LAMB2: variants seen among roughly 807,000 people sequenced by gnomAD.
LAMB2 encodes the protein laminin subunit beta-2.
LAMB2 carries 119 observed loss-of-function variants against 202.7 expected under a neutral mutation model. That is an observed-to-expected ratio of 0.59 (90% confidence interval 0.51 to 0.68). The LOEUF (loss-of-function observed/expected upper bound fraction) is 0.68. LAMB2 is among the 30% of genes least tolerant of loss of function. LAMB2 has a pLI of 0.00. For missense variants in LAMB2, 2,124 were observed against 2,410.6 expected (o/e 0.88, Z 2.49); for synonymous variants, 818 against 902.2 (o/e 0.91, Z 1.67).
At position 49,132,270 on chromosome 3, in the gene LAMB2, C is replaced by G; in HGVS notation, c.385G>C (p.Gly129Arg). 1.9e-6 allele frequency: 3 copies of G among 1,614,240 alleles called. No homozygotes were observed. Among genetic ancestry groups the G allele is most frequent in the Non-Finnish European group, 2.5e-6 (3 of 1,180,048 alleles). Residue 129 changes from glycine (G) to arginine (R), a missense_variant and splice_region_variant, in exon 3 of 32, where the codon GGT becomes CGT. Physicochemically the swap from Gly to Arg is moderately radical, Grantham distance 125. This residue lies in a region of LAMB2 where 256 missense variants were observed against 356.1 expected (regional missense o/e 0.72). Transcript: ENST00000305544. The surrounding 1 kb of genome is among the most constrained non-coding windows in gnomAD (Gnocchi z 4.6). ...ACTTTTGCCCCACCCATGGCCTCAC[C>G]ATTCTCTGACTGCCACCAGGCTGCC... ...RRAAWWQSEN[G>R]IPAVTIQLDL...
In LAMB2 at chr3:49,131,694, T is replaced by A; in HGVS notation, c.489A>T (p.Glu163Asp). The A allele has an allele frequency of 6.2e-7, 1 of 1,613,358 alleles. No individual in the cohort carries two copies. ...AGGTGCGGCCAAAGTCTGCTGAGCGTTCCACCAGCATGGCAGCAGGGCGAA... is the reference window on the plus strand; with the variant it reads ...AGGTGCGGCCAAAGTCTGCTGAGCGATCCACCAGCATGGCAGCAGGGCGAA... ...KTFRPAAMLVERSADFGRTWH... is the reference protein window; with the variant it reads ...KTFRPAAMLVDRSADFGRTWH... Residue 163 changes from glutamate to aspartate, a missense_variant, in exon 5 of 32, where the codon GAA becomes GAT. Coordinates refer to ENST00000305544, the MANE Select transcript of LAMB2 (RefSeq NM_002292.4). The surrounding 1 kb of genome is among the most constrained non-coding windows in gnomAD (Gnocchi z 5.0).
At position 49,132,516 on chromosome 3, in the gene LAMB2, G is replaced by A; in HGVS notation, c.224C>T (p.Pro75Leu). The A allele has an allele frequency of 6.2e-7, 1 of 1,613,844 alleles. No individual in the cohort carries two copies. Among genetic ancestry groups the A allele is most frequent in the Non-Finnish European group, 8.5e-7 (1 of 1,180,022 alleles). The part of the protein sequence containing the change: ...SSTCGLNGPQ[P>L]YCIVSHLQDE... The stretch of plus-strand genomic sequence containing the variant: ...CTGCAGGTGACTGACGATGCAGTAG[G>A]GCTGGGGGCCATTCAGGCCACAAGT... Residue 75 changes from proline to leucine, a missense_variant, in exon 2 of 32, where the codon CCC (proline) becomes CTC (leucine). Coordinates refer to ENST00000305544, the MANE Select transcript of LAMB2 (RefSeq NM_002292.4). This position sits in a 1 kb window ranked among gnomAD's most constrained non-coding sequence, Gnocchi z 4.6.
rs545141272 is a variant in LAMB2 at position 49,130,697 on chromosome 3, G to A, written c.1036+43C>T. 10 of 1,612,050 alleles carry A rather than the reference G, an allele frequency of 6.2e-6. No individual in the cohort carries two copies. In the African/African-American group the frequency reaches 1.3e-4, roughly 21 times the overall value. On this transcript the variant is annotated intron_variant, in intron 8 of 31. Coordinates refer to ENST00000305544, the MANE Select transcript of LAMB2 (RefSeq NM_002292.4). The surrounding 1 kb of genome is among the most constrained non-coding windows in gnomAD (Gnocchi z 5.0). ...CTAGGTTCTACCCAGGGCACAGCCAGGCTGCAGAGTGCTGGAGCTATGGAG... is the reference window on the plus strand; with the variant it reads ...CTAGGTTCTACCCAGGGCACAGCCAAGCTGCAGAGTGCTGGAGCTATGGAG...
chr3:49,126,935 C>T (rs2045422409), intron 15 of LAMB2, among the ~76,000 whole-genome samples: 1 of 152,224 alleles, frequency 6.6e-6, no homozygotes, highest in South Asian at 2.1e-4. Flanking sequence ...TATCCCATCC[C>T]AAAAATTGTT....
rs1322716619 is a variant in LAMB2 at position 49,124,929 on chromosome 3, C to A, written c.2885-4G>T. The A allele has an allele frequency of 1.2e-6, 2 of 1,613,944 alleles. No homozygotes were observed. Among genetic ancestry groups the A allele is most frequent in the African/African-American group, 2.7e-5 (2 of 74,938 alleles). ...GCACAAGCTTCACATCGCAGCCCTG[C>A]CCACGGTTAAGAGGAAGCTGTGAGT... is the stretch of plus-strand genomic sequence containing the variant. On this transcript the variant is annotated splice_region_variant and splice_polypyrimidine_tract_variant and intron_variant, in intron 20 of 31. Coordinates refer to ENST00000305544, the MANE Select transcript of LAMB2 (RefSeq NM_002292.4).
Position 49,132,249 on chromosome 3 carries a change from T to G in LAMB2, c.385+21A>C. 1 of 1,614,218 alleles carries G rather than the reference T, an allele frequency of 6.2e-7. No homozygotes were observed. ...TACTGGTGGGCAGCCCTGCTCACTT[T>G]TGCCCCACCCATGGCCTCACCATTC... On this transcript the variant is annotated intron_variant, in intron 3 of 31. Coordinates refer to ENST00000305544, the MANE Select transcript of LAMB2 (RefSeq NM_002292.4). This position sits in a 1 kb window ranked among gnomAD's most constrained non-coding sequence, Gnocchi z 4.6.
At chr3:49,126,295 T>G in intron 16 of LAMB2, 70 bp downstream of exon 16, 1 of 1,611,636 alleles carries the variant, frequency 6.2e-7, no homozygotes, top group South Asian at 1.1e-5. Context: ...CACAGACCCC[T>G]GCTATCCCTC....
chr3:49,130,164 G>C lies in LAMB2; in HGVS notation c.1225+67C>G. On this transcript the variant is annotated intron_variant, in intron 9 of 31. Transcript: ENST00000305544. This position sits in a 1 kb window ranked among gnomAD's most constrained non-coding sequence, Gnocchi z 5.0. ...ACCCCAATTTCCTGCAATTTAGACA[G>C]CAGTCCAGCTCTCTAGTTCCTGCCC... The C allele has an allele frequency of 2.5e-6, 4 of 1,596,750 alleles. No homozygotes were observed. The highest frequency in any genetic ancestry group is 2.6e-6 in the Non-Finnish European group (3 of 1,167,186).
In LAMB2 at chr3:49,132,394, C is replaced by G. The variant is rs149408554; in HGVS notation, c.261G>C (p.Lys87Asn). The G allele has an allele frequency of 6.6e-5, 106 of 1,614,122 alleles. No homozygotes were observed. The highest frequency in any genetic ancestry group is 8.0e-5 in the Non-Finnish European group (94 of 1,180,056). ...GGCGCCGGGAGTCACAAAGGAAGCACTTCTTTTCGTCCTGGGTTGGATGGG... is the reference window on the plus strand; with the variant it reads ...GGCGCCGGGAGTCACAAAGGAAGCAGTTCTTTTCGTCCTGGGTTGGATGGG... ...CIVSHLQDEK[K>N]CFLCDSRRPF... The change falls in exon 3 of 32, where the codon AAG (lysine) becomes AAC (asparagine). Residue 87 changes from lysine (K) to asparagine (N), a missense_variant. This residue lies in a region of LAMB2 where 166 missense variants were observed against 158.2 expected (regional missense o/e 1.05). Transcript: ENST00000305544. This position sits in a 1 kb window ranked among gnomAD's most constrained non-coding sequence, Gnocchi z 4.6.
chr3:49,124,787 A>AG lies in LAMB2; in HGVS notation c.3022dup (p.Leu1008ProfsTer47). The stretch of plus-strand genomic sequence containing the variant: ...ACCCTCTGTGTGGTGTAAACAGCGC[A>AG]GGCATTGCCCCGTGTGGGGGTCACA... On this transcript the variant is annotated frameshift_variant, in exon 21 of 32. Coordinates refer to ENST00000305544, the MANE Select transcript of LAMB2 (RefSeq NM_002292.4). LOFTEE classifies it high-confidence loss of function. The AG allele has an allele frequency of 6.2e-7, 1 of 1,614,216 alleles. No individual in the cohort carries two copies. The highest frequency in any genetic ancestry group is 8.5e-7 in the Non-Finnish European group (1 of 1,180,036).
Position 49,125,253 on chromosome 3 carries a change from C to T in LAMB2, c.2720G>A (p.Arg907Lys), listed in dbSNP as rs1217792039. 2 of 1,613,932 alleles carry T rather than the reference C, an allele frequency of 1.2e-6. No individual in the cohort carries two copies. The highest frequency in any genetic ancestry group is 1.7e-5 in the Admixed American group (1 of 60,034). Residue 907 changes from arginine (R) to lysine (K), a missense_variant and splice_region_variant, in exon 19 of 32, where the codon AGG becomes AAG. Physicochemically the swap from Arg to Lys is conservative, Grantham distance 26 (BLOSUM62 2). Around this residue, in one of 3 missense-constraint regions of LAMB2, gnomAD observed 1,702 missense variants for 1,896.3 expected, o/e 0.90. Transcript: ENST00000305544. Reference sequence around the variant, plus strand: ...CCACTCATAGCTGCTCCAGTCTCACCTTTCACAGTGCTCACCCCCTGTGTG... The same window carrying T: ...CCACTCATAGCTGCTCCAGTCTCACTTTTCACAGTGCTCACCCCCTGTGTG... ...RDHTGGEHCERCIAGFHGDPR... is the reference protein window; with the variant it reads ...RDHTGGEHCEKCIAGFHGDPR...
Position 49,131,010 on chromosome 3 carries a change from G to A in LAMB2, c.855C>T (p.Cys285=). The change falls in exon 7 of 32, where the codon TGC becomes TGT. Residue 285 remains cysteine, a synonymous_variant. Transcript: ENST00000305544. The surrounding 1 kb of genome is among the most constrained non-coding windows in gnomAD (Gnocchi z 5.0). Reference sequence around the variant, plus strand: ...GTGCACACTCTGAGGCGTGTCCGTAGCAGAAGCAGTTGCCACGTACAACCA... The same window carrying A: ...GTGCACACTCTGAGGCGTGTCCGTAACAGAAGCAGTTGCCACGTACAACCA... ...YELVVRGNCF[C]YGHASECAPA... 6.2e-7 allele frequency: 1 copy of A among 1,614,024 alleles called. No homozygotes were observed. The highest frequency in any genetic ancestry group is 8.5e-7 in the Non-Finnish European group (1 of 1,180,026).
At position 49,125,226 on chromosome 3, in the gene LAMB2, A is replaced by AC. The variant is rs777274724; in HGVS notation, c.2720+26dup. The AC allele has an allele frequency of 2.2e-5, 36 of 1,613,432 alleles. No individual in the cohort carries two copies. In the East Asian group the frequency reaches 8.0e-4, roughly 36 times the overall value. On this transcript the variant is annotated intron_variant, in intron 19 of 31. Transcript: ENST00000305544. ...CCCTGGGAAGCCTGCCCACCAACCA[A>AC]CCCACTCATAGCTGCTCCAGTCTCA...
chr3:49,127,696 AAAACAAAC>A (rs889842642), intron 15 of LAMB2, among the ~76,000 whole-genome samples: 2 of 151,148 alleles, frequency 1.3e-5, no homozygotes, highest in African/African-American at 2.4e-5. Flanking sequence ...CTCCATCTCA[AAAACAAAC>A]AAACAAACAA....
intron 19 of LAMB2, 29 bp from the exon 20 acceptor site, chr3:49,125,198 C>A (rs1423779941): frequency 6.2e-7 from 1 of 1,613,568 alleles, no homozygotes; most frequent in Admixed American, 1.7e-5. Flanking sequence ...AGAAATGTGT[C>A]ATCCCTGGGA....
In LAMB2 at chr3:49,132,185, G is replaced by A. The variant is rs372208669; in HGVS notation, c.390C>T (p.Ile130=). 1.2e-6 allele frequency: 2 copies of A among 1,614,164 alleles called. No homozygotes were observed. The highest frequency in any genetic ancestry group is 1.7e-6 in the Non-Finnish European group (2 of 1,180,026). ...GGTCCAGCTGGATGGTGACCGCAGGGATACCTGGGACAGGAATCGGAAGTC... is the reference window on the plus strand; with the variant it reads ...GGTCCAGCTGGATGGTGACCGCAGGAATACCTGGGACAGGAATCGGAAGTC... ...RAAWWQSENG[I]PAVTIQLDLE... The change falls in exon 4 of 32, where the codon ATC becomes ATT. Residue 130 remains isoleucine, a synonymous_variant. Coordinates refer to ENST00000305544, the MANE Select transcript of LAMB2 (RefSeq NM_002292.4). The surrounding 1 kb of genome is among the most constrained non-coding windows in gnomAD (Gnocchi z 4.6).
At position 49,129,386 on chromosome 3, in the gene LAMB2, G is replaced by A; in HGVS notation, c.1519-62C>T. The A allele has an allele frequency of 4.1e-6, 6 of 1,452,974 alleles. No individual in the cohort carries two copies. Among genetic ancestry groups the A allele is most frequent in the Non-Finnish European group, 5.7e-6 (6 of 1,044,088 alleles). 90.0% of individuals were successfully genotyped at this position (1,452,974 alleles called of 1,614,324 possible). A position where few individuals can be genotyped will look rare whatever the true frequency, so the allele number is the denominator to read the frequency against. On this transcript the variant is annotated intron_variant, in intron 11 of 31. Coordinates refer to ENST00000305544, the MANE Select transcript of LAMB2 (RefSeq NM_002292.4). The surrounding 1 kb of genome is among the most constrained non-coding windows in gnomAD (Gnocchi z 6.1). ...CTCCAGACCCCATCACCACCCAGCA[G>A]GAAATCCCAACCACACGTCTTAGCC...
rs1377913157 is a variant in LAMB2 at position 49,125,472 on chromosome 3, C to A, written c.2501G>T (p.Ser834Ile). The stretch of plus-strand genomic sequence containing the variant: ...GAGACTGCTGAGTGCCCCCTCGTGG[C>A]TGCACTGGCAGGCTAGGAGCAAGGC... ...GPTGCQACQC[S>I]HEGALSSLCE... Residue 834 changes from serine to isoleucine, a missense_variant, in exon 19 of 32, where the codon AGC (serine) becomes ATC (isoleucine). Transcript: ENST00000305544. The A allele has an allele frequency of 6.2e-7, 1 of 1,600,308 alleles. No individual in the cohort carries two copies. Among genetic ancestry groups the A allele is most frequent in the South Asian group, 1.1e-5 (1 of 89,864 alleles).
intron 18 of LAMB2, 128 bp downstream of exon 18, chr3:49,125,619 G>A (rs1396926101): frequency 2.8e-6 from 4 of 1,427,558 alleles, no homozygotes; most frequent in Non-Finnish European, 3.8e-6. Flanking sequence ...AACTACAACT[G>A]ACCCAGGTTG....
Sources: gnomAD v4.1 joint callset for allele counts (sites outside exome capture counted in the v4.1 genomes callset) on GRCh38, gnomAD v4.1.1 for gene constraint, gnomAD v4.1.1 regional missense constraint, Gnocchi (gnomAD v3.1) non-coding constraint, MANE v1.5 for transcripts, NCBI Gene and HGNC (gene_info 2026-07-23, HGNC 2026-07-21) for gene names.